EXOSC7: variants seen among roughly 807,000 people sequenced by gnomAD.
EXOSC7 encodes the protein exosome complex component RRP42.
Under a neutral mutation model 34.3 loss-of-function variants are expected in EXOSC7, and 25 were observed. The ratio of observed to expected loss-of-function variants is 0.73; its 90% confidence interval spans 0.53 to 1.02. The LOEUF (loss-of-function observed/expected upper bound fraction) is 1.02, where lower values mean the gene tolerates loss of function less well. Ranked by LOEUF, EXOSC7 falls within the 50% of genes least tolerant of loss-of-function variation. The pLI is 0.00. For missense variants in EXOSC7, 370 were observed against 368.5 expected (o/e 1.00, Z -0.03); for synonymous variants, 130 against 143.0 (o/e 0.91, Z 0.65).
intron 1 of EXOSC7, among the ~76,000 whole-genome samples, chr3:44,987,092 TAA>T (rs34686659): frequency 3.7e-4 from 50 of 136,136 alleles, no homozygotes; most frequent in Non-Finnish European, 3.2e-4. Context: ...AGTTAAGTGT[TAA>T]AAAAAAAAAA....
At chr3:45,001,678 A>C in intron 5 of EXOSC7, 70 bp downstream of exon 5, 1 of 1,102,696 alleles carries the variant, frequency 9.1e-7, no homozygotes, top group South Asian at 1.3e-5. Flanking sequence ...TGGAACACTG[A>C]GGAAATTTCT....
intron 7 of EXOSC7, among the ~76,000 whole-genome samples, chr3:45,010,138 A>G (rs1022671889): frequency 3.3e-5 from 5 of 152,256 alleles, no homozygotes; most frequent in Non-Finnish European, 2.9e-5. Context: ...GGAATGTGAA[A>G]GACCTGATAA....
intron 4 of EXOSC7, among the ~76,000 whole-genome samples, chr3:44,998,692 T>C (rs1450102570): frequency 6.6e-6 from 1 of 152,244 alleles, no homozygotes; most frequent in Admixed American, 6.5e-5. Context: ...TGGTAACCAT[T>C]ATCTAGCAGG....
chr3:44,989,180 G>C lies in EXOSC7; in HGVS notation c.98G>C (p.Arg33Pro). The change falls in exon 2 of 8, where the codon CGA becomes CCA. Residue 33 changes from arginine to proline, a missense_variant. Transcript: ENST00000265564. The part of the protein sequence containing the change: ...RVDGRGCEDY[R>P]CVEVETDVVS... Reference sequence around the variant, plus strand: ...GATGGCCGTGGCTGTGAGGACTACCGATGTGTCGAAGTGGAAACTGATGTG... The same window carrying C: ...GATGGCCGTGGCTGTGAGGACTACCCATGTGTCGAAGTGGAAACTGATGTG... 6.2e-7 allele frequency: 1 copy of C among 1,614,130 alleles called. No individual in the cohort carries two copies. The highest frequency in any genetic ancestry group is 1.1e-5 in the South Asian group (1 of 91,070).
At chr3:44,991,549 A>C (rs555972494) in intron 3 of EXOSC7, among the ~76,000 whole-genome samples, 41 of 152,258 alleles carry the variant, frequency 2.7e-4, no homozygotes, top group African/African-American at 9.9e-4. Context: ...ATTCAGCCCA[A>C]CCACACCAAA....
chr3:44,990,753 A>G (rs1160421399), intron 3 of EXOSC7, among the ~76,000 whole-genome samples: 1 of 152,210 alleles, frequency 6.6e-6, no homozygotes. Flanking sequence ...GAAGTTTTCT[A>G]AAGGAAAGCA....
chr3:45,002,223 T>TAAA (rs1273045706), intron 5 of EXOSC7: 1 of 152,206 alleles, frequency 6.6e-6, no homozygotes, highest in African/African-American at 2.4e-5. Flanking sequence ...TCCAAGTACT[T>TAAA]TGAGGAAAAT....
At chr3:44,998,358 C>G (rs1462320752) in intron 4 of EXOSC7, among the ~76,000 whole-genome samples, 1 of 151,968 alleles carries the variant, frequency 6.6e-6, no homozygotes, top group African/African-American at 2.4e-5. Context: ...CAGGTGCAAA[C>G]CACCGTGCCT....
Position 45,006,266 on chromosome 3 carries a change from C to T in EXOSC7, c.615+852C>T, listed in dbSNP as rs183393725. Among the ~76,000 whole-genome samples, 179 of 151,016 alleles carry T rather than the reference C, an allele frequency of 1.2e-3. 1 individual carries two copies. The highest frequency in any genetic ancestry group is 3.5e-3 in the African/African-American group (145 of 41,206). On this transcript the variant is annotated intron_variant, in intron 6 of 7. Transcript: ENST00000265564. The stretch of plus-strand genomic sequence containing the variant: ...CTAATTTTTGTATTTTTAGTAGAGA[C>T]GGTGTTTCACCATGTTGGCCAGGCT...
In EXOSC7 at chr3:44,982,598, A is replaced by G. The variant is rs148537524; in HGVS notation, c.57+6264A>G. ...CTTTTCTGTGGATCTTGCTTTCATCATAAGCATTGTTTAGGGGTATAGCAT... is the reference window on the plus strand; with the variant it reads ...CTTTTCTGTGGATCTTGCTTTCATCGTAAGCATTGTTTAGGGGTATAGCAT... On this transcript the variant is annotated intron_variant, in intron 1 of 7. Coordinates refer to ENST00000265564, the MANE Select transcript of EXOSC7 (RefSeq NM_015004.4). Among the ~76,000 whole-genome samples, 404 of 152,312 alleles carry G rather than the reference A, an allele frequency of 2.7e-3. 4 individuals carry two copies. The highest frequency in any genetic ancestry group is 9.5e-3 in the African/African-American group (395 of 41,566).
At chr3:45,006,094 T>G in intron 6 of EXOSC7, among the ~76,000 whole-genome samples, 1 of 132,310 alleles carries the variant, frequency 7.6e-6, no homozygotes. Context: ...TTTTTTTTTT[T>G]TTTGAGACAG....
Position 44,976,339 on chromosome 3 carries a change from C to A in EXOSC7, c.57+5C>A. The A allele has an allele frequency of 6.4e-7, 1 of 1,569,440 alleles. No individual in the cohort carries two copies. The highest frequency in any genetic ancestry group is 2.5e-5 in the East Asian group (1 of 39,356). On this transcript the variant is annotated splice_donor_5th_base_variant and intron_variant, in intron 1 of 7. Transcript: ENST00000265564. ...TACATCGTGCATGGCGTCCAGGTAGCTACAGCAGCGGCGTTGGGTCGGCCG... is the reference window on the plus strand; with the variant it reads ...TACATCGTGCATGGCGTCCAGGTAGATACAGCAGCGGCGTTGGGTCGGCCG...
At chr3:44,989,704 A>C in intron 3 of EXOSC7, 60 bp downstream of exon 3, 1 of 1,362,500 alleles carries the variant, frequency 7.3e-7, no homozygotes, top group Non-Finnish European at 1.0e-6. Context: ...GAAGATTCAG[A>C]AAATGAACCT....
intron 3 of EXOSC7, among the ~76,000 whole-genome samples, chr3:44,996,017 T>A (rs542509207): frequency 1.3e-5 from 2 of 152,290 alleles, no homozygotes; most frequent in African/African-American, 4.8e-5. Context: ...CTCCCGCTTC[T>A]ACCTCACTGT....
intron 1 of EXOSC7, among the ~76,000 whole-genome samples, chr3:44,980,402 T>C (rs1160831186): frequency 6.6e-6 from 1 of 152,260 alleles, no homozygotes; most frequent in African/African-American, 2.4e-5. Context: ...TTATAATTTT[T>C]ATTTCATTGA....
At chr3:44,992,592 G>A (rs1484176431) in intron 3 of EXOSC7, among the ~76,000 whole-genome samples, 1 of 152,208 alleles carries the variant, frequency 6.6e-6, no homozygotes, top group Non-Finnish European at 1.5e-5. Flanking sequence ...ATGCCTGGCA[G>A]CACTGTCACT....
At chr3:44,982,067 G>A (rs576069890) in intron 1 of EXOSC7, among the ~76,000 whole-genome samples, 1 of 152,210 alleles carries the variant, frequency 6.6e-6, no homozygotes, top group African/African-American at 2.4e-5. Context: ...CTTCTCTGCA[G>A]CCACTTGCTG....
intron 1 of EXOSC7, among the ~76,000 whole-genome samples, chr3:44,985,578 C>T (rs1227515490): frequency 2.6e-5 from 4 of 151,820 alleles, no homozygotes; most frequent in South Asian, 2.1e-4. Flanking sequence ...GAGGTGGGTT[C>T]GTGGTCTCGC....
intron 7 of EXOSC7, among the ~76,000 whole-genome samples, chr3:45,009,229 T>C (rs1707137449): frequency 6.6e-6 from 1 of 152,236 alleles, no homozygotes; most frequent in Non-Finnish European, 1.5e-5. Context: ...TGAGGTCTGC[T>C]AACTCTGGAC....
Sources: gnomAD v4.1 joint callset for allele counts (sites outside exome capture counted in the v4.1 genomes callset) on GRCh38, gnomAD v4.1.1 for gene constraint, MANE v1.5 for transcripts, NCBI Gene and HGNC (gene_info 2026-07-23, HGNC 2026-07-21) for gene names.